The following WWC2 variants were observed in gnomAD, a reference collection of about 807,000 sequenced individuals.
WWC2 encodes WW and C2 domain containing 2.
WWC2 carries 101 observed loss-of-function variants against 138.5 expected under a neutral mutation model. The ratio of observed to expected loss-of-function variants is 0.73; its 90% CI spans 0.62 to 0.86. WWC2 has a LOEUF of 0.86. WWC2 is among the 40% of genes least tolerant of loss of function. The pLI, the probability that WWC2 is intolerant of heterozygous loss-of-function variation, is 0.00. For missense variants in WWC2, 1,420 were observed against 1,419.4 expected (o/e 1.00, Z -0.01); for synonymous variants, 558 against 538.4 (o/e 1.04, Z -0.50).
chr4:183,189,201 G>A (rs2111201482), intron 1 of WWC2, among the ~76,000 whole-genome samples: 1 of 152,014 alleles, frequency 6.6e-6, no homozygotes, highest in African/African-American at 2.4e-5. Flanking sequence ...TTGGGAGGCT[G>A]AGGGAGGTGG....
At chr4:183,112,169 C>CT (rs1732258154) in intron 1 of WWC2, among the ~76,000 whole-genome samples, 1 of 152,204 alleles carries the variant, frequency 6.6e-6, no homozygotes, top group Non-Finnish European at 1.5e-5. Flanking sequence ...GACTACAAAA[C>CT]TAACTTGATT....
chr4:183,117,023 A>C (rs866433177), intron 1 of WWC2, among the ~76,000 whole-genome samples: 1 of 152,056 alleles, frequency 6.6e-6, no homozygotes, highest in African/African-American at 2.4e-5. Context: ...TGGTTCTAAA[A>C]ACGGTTCAGT....
chr4:183,303,463 A>G (rs879865425), intron 21 of WWC2, among the ~76,000 whole-genome samples: 2 of 152,214 alleles, frequency 1.3e-5, no homozygotes, highest in Non-Finnish European at 2.9e-5. Flanking sequence ...AGAGGGAGTC[A>G]GTGCCTTGGG....
At chr4:183,140,611 A>G (rs1469408473) in intron 1 of WWC2, among the ~76,000 whole-genome samples, 1 of 152,216 alleles carries the variant, frequency 6.6e-6, no homozygotes, top group Non-Finnish European at 1.5e-5. Context: ...TTTAAAGAAT[A>G]TATTGGGTTT....
At chr4:183,265,329 T>G (rs1737467372) in intron 12 of WWC2, among the ~76,000 whole-genome samples, 1 of 152,212 alleles carries the variant, frequency 6.6e-6, no homozygotes, top group African/African-American at 2.4e-5. Flanking sequence ...CAATTGACCC[T>G]CTTTAGAATT....
intron 20 of WWC2, 29 bp from the exon 21 acceptor site, chr4:183,289,364 T>C (rs750286066): frequency 2.5e-6 from 4 of 1,601,160 alleles, no homozygotes; most frequent in Non-Finnish European, 1.7e-6. Context: ...ATAACCAGGG[T>C]GTTCGTCATT....
intron 21 of WWC2, among the ~76,000 whole-genome samples, chr4:183,306,728 T>C (rs1739033419): frequency 6.6e-6 from 1 of 152,092 alleles, no homozygotes; most frequent in South Asian, 2.1e-4. Context: ...GGTTTTGCCA[T>C]GTTGGCCAGG....
intron 1 of WWC2, among the ~76,000 whole-genome samples, chr4:183,120,908 C>T (rs1219594912): frequency 6.6e-6 from 1 of 152,178 alleles, no homozygotes; most frequent in Non-Finnish European, 1.5e-5. Context: ...GCCACCATGC[C>T]CAGCCAGAAC....
At chr4:183,237,868 T>G (rs949940645) in intron 4 of WWC2, among the ~76,000 whole-genome samples, 1 of 152,170 alleles carries the variant, frequency 6.6e-6, no homozygotes, top group Admixed American at 6.5e-5. Flanking sequence ...GGATGCCCTT[T>G]TTTTTTCCTC....
In WWC2 at chr4:183,282,799, T is replaced by G; in HGVS notation, c.2776T>G (p.Leu926Val). 6.3e-7 allele frequency: 1 copy of G among 1,585,924 alleles called. No individual in the cohort carries two copies. The change falls in exon 18 of 23, where the codon TTA becomes GTA. Residue 926 changes from leucine to valine, a missense_variant. By Grantham distance (32) the Leu-to-Val change is conservative. Coordinates refer to ENST00000403733, the MANE Select transcript of WWC2 (RefSeq NM_024949.6). The stretch of plus-strand genomic sequence containing the variant: ...AGAGGACAGTAGCTGTACAGAAGAT[T>G]TAAGTTCATGCACTAGTGTGCCTGA... ...LPEDSSCTED[L>V]SSCTSVPEMN... is the part of the protein sequence containing the mutation.
intron 1 of WWC2, among the ~76,000 whole-genome samples, chr4:183,185,671 G>A (rs1734769556): frequency 6.6e-6 from 1 of 152,086 alleles, no homozygotes; most frequent in Non-Finnish European, 1.5e-5. Context: ...AGTGTGAAGG[G>A]CTATGCGGCA....
intron 1 of WWC2, among the ~76,000 whole-genome samples, chr4:183,184,121 A>G (rs1483794446): frequency 6.6e-6 from 1 of 152,166 alleles, no homozygotes; most frequent in Non-Finnish European, 1.5e-5. Context: ...CAAGGTACCC[A>G]CTGAGCAGTT....
chr4:183,149,246 G>A (rs1017530174), intron 1 of WWC2, among the ~76,000 whole-genome samples: 13 of 152,100 alleles, frequency 8.5e-5, no homozygotes, highest in Admixed American at 2.0e-4. Context: ...TGACCTTTAT[G>A]GCAATCATTT....
intron 1 of WWC2, among the ~76,000 whole-genome samples, chr4:183,175,672 C>T (rs191583301): frequency 3.2e-4 from 48 of 152,272 alleles, no homozygotes; most frequent in Admixed American, 2.7e-3. Flanking sequence ...TTTCTCAAAG[C>T]ATCGTTTTTT....
In WWC2 at chr4:183,320,288, T is replaced by C; in HGVS notation, c.*4559T>C. ...GTTGCTGTGAAAAGAAGTGTGACAC[T>C]TGTGTTATAACTTATGAAACTCAGA... On this transcript the variant is annotated 3_prime_UTR_variant, in exon 23 of 23. Coordinates refer to ENST00000403733, the MANE Select transcript of WWC2 (RefSeq NM_024949.6). The C allele has an allele frequency of 7.3e-7, 1 of 1,365,522 alleles. No individual in the cohort carries two copies. The highest frequency in any genetic ancestry group is 1.0e-6 in the Non-Finnish European group (1 of 986,890). The allele number at this position is 1,365,522 out of a possible 1,614,324, so 84.6% of individuals were successfully genotyped here. A position where few individuals can be genotyped will look rare whatever the true frequency, so the allele number is the denominator to read the frequency against.
In WWC2 at chr4:183,269,105, A is replaced by G; in HGVS notation, c.2342A>G (p.Gln781Arg). ...RVAISQTALQ[Q>R]KTLRVDLCSV... ...GCCATTTCCCAAACAGCCTTACAAC[A>G]GAAGACACTGAGGGTAGACCTTTGC... The change falls in exon 15 of 23, where the codon CAG (glutamine) becomes CGG (arginine). Residue 781 changes from glutamine (Q) to arginine (R), a missense_variant. By Grantham distance (43) the Gln-to-Arg change is conservative. Coordinates refer to ENST00000403733, the MANE Select transcript of WWC2 (RefSeq NM_024949.6). 2 of 1,613,972 alleles carry G rather than the reference A, an allele frequency of 1.2e-6. No individual in the cohort carries two copies. The highest frequency in any genetic ancestry group is 2.2e-5 in the South Asian group (2 of 91,072).
At chr4:183,251,938 A>G (rs1736994149) in intron 8 of WWC2, among the ~76,000 whole-genome samples, 1 of 152,068 alleles carries the variant, frequency 6.6e-6, no homozygotes. Flanking sequence ...TCGCATTTTG[A>G]TGATTAATTT....
chr4:183,287,453 A>G (rs745536277), intron 20 of WWC2, among the ~76,000 whole-genome samples: 1 of 152,230 alleles, frequency 6.6e-6, no homozygotes, highest in Non-Finnish European at 1.5e-5. Flanking sequence ...GATAAATATT[A>G]ACCAAAAGTG....
At chr4:183,127,117 A>T (rs1165244193) in intron 1 of WWC2, among the ~76,000 whole-genome samples, 1 of 152,172 alleles carries the variant, frequency 6.6e-6, no homozygotes, top group Non-Finnish European at 1.5e-5. Flanking sequence ...TGGTTTGCAA[A>T]GGAAAGGAGA....
Sources: allele counts gnomAD v4.1 joint callset (sites outside exome capture counted in the v4.1 genomes callset), GRCh38; gene constraint gnomAD v4.1.1; transcripts MANE v1.5; gene names NCBI Gene and HGNC (gene_info 2026-07-23, HGNC 2026-07-21).